The following TSPAN1 variants were observed in gnomAD, a reference collection of about 807,000 sequenced individuals.
TSPAN1 encodes the protein tetraspanin 1, also known as tetraspanin-1.
In TSPAN1, 23 loss-of-function variants were observed where a neutral mutation model predicts 26.9. The observed-to-expected ratio is 0.85, with a 90% CI of 0.62 to 1.21. The LOEUF (loss-of-function observed/expected upper bound fraction) is 1.21. TSPAN1 is among the 50% of genes most tolerant of loss of function. The pLI, the probability that TSPAN1 is intolerant of heterozygous loss-of-function variation, is 0.00. For missense variants in TSPAN1, 283 were observed against 298.4 expected (o/e 0.95, Z 0.38); for synonymous variants, 115 against 114.8 (o/e 1.00, Z -0.01).
chr1:46,194,918 A>G, the TSPAN1 span: 2 of 1,614,096 alleles, frequency 1.2e-6, no homozygotes, highest in East Asian at 2.2e-5. Flanking sequence ...CAGGCTCCTC[A>G]GCAGAGCCTT....
At chr1:46,194,971 C>A in the TSPAN1 span, 1 of 1,613,444 alleles carries the variant, frequency 6.2e-7, no homozygotes, top group Admixed American at 1.7e-5. Context: ...CCTGGGGGAC[C>A]AGAGAAGGCA....
chr1:46,176,407 G>C, intron 1 of TSPAN1: 1 of 1,535,760 alleles, frequency 6.5e-7, no homozygotes, highest in Non-Finnish European at 8.7e-7. Flanking sequence ...GCCCATACCT[G>C]GCCTGCGGTA....
rs762359326 is a variant in TSPAN1, at chr1:46,184,299, G to A, written c.166G>A (p.Val56Met). 91 of 1,614,064 alleles carry A rather than the reference G, an allele frequency of 5.6e-5. No individual in the cohort carries two copies. The highest frequency in any genetic ancestry group is 6.8e-5 in the Non-Finnish European group (80 of 1,180,046). The change falls in exon 4 of 9, where the codon GTG (valine) becomes ATG (methionine). Residue 56 changes from valine (V) to methionine (M), a missense_variant. Physicochemically the swap from Val to Met is conservative, Grantham distance 21. Transcript: ENST00000372003. ...LSSSAMQFVN[V>M]GYFLIAAGVV... is the part of the protein sequence containing the mutation. ...GTCCAGTGCCATGCAGTTTGTCAAC[G>A]TGGGCTACTTCCTCATCGCAGCCGG...
the TSPAN1 span, chr1:46,191,634 T>G: frequency 3.9e-6 from 1 of 257,548 alleles, no homozygotes; most frequent in Non-Finnish European, 7.6e-6. Context: ...GGTAGTAGTA[T>G]TTTATCCTCT....
Position 46,185,585 on chromosome 1 carries a change from C to T in TSPAN1, c.*52C>T. 1.3e-6 allele frequency: 2 copies of T among 1,593,718 alleles called. No individual in the cohort carries two copies. The highest frequency in any genetic ancestry group is 1.7e-6 in the Non-Finnish European group (2 of 1,162,556). ...CTGCCACATGGGAACTGTGAAGAGG[C>T]ACCCTGGCAAGCAGCAGTGATTGGG... On this transcript the variant is annotated 3_prime_UTR_variant, in exon 9 of 9. Coordinates refer to ENST00000372003, the MANE Select transcript of TSPAN1 (RefSeq NM_005727.4).
At chr1:46,181,009 C>T in intron 2 of TSPAN1, 91 bp from the exon 3 acceptor site, 1 of 1,083,686 alleles carries the variant, frequency 9.2e-7, no homozygotes, top group Non-Finnish European at 1.4e-6. Flanking sequence ...ATCCTGGGGT[C>T]TGGCATATCT....
At chr1:46,191,981 G>A in the TSPAN1 span, 1 of 1,439,120 alleles carries the variant, frequency 6.9e-7, no homozygotes, top group African/African-American at 1.4e-5. Context: ...AAATAGGATA[G>A]CTCTTTCCCC....
At chr1:46,181,213 C>T (rs748432594) in intron 3 of TSPAN1, 49 bp downstream of exon 3, 1 of 1,567,800 alleles carries the variant, frequency 6.4e-7, no homozygotes. Context: ...AGGAGCAGGT[C>T]ACAAGCTGAG....
chr1:46,181,405 C>G (rs572327511), intron 3 of TSPAN1, among the ~76,000 whole-genome samples: 1 of 152,332 alleles, frequency 6.6e-6, no homozygotes, highest in South Asian at 2.1e-4. Context: ...CACCCCCTCT[C>G]TCCTACAAAG....
At chr1:46,188,342 C>T (rs969313281), downstream of TSPAN1, among the ~76,000 whole-genome samples, 2 of 152,190 alleles carry the variant, frequency 1.3e-5, no homozygotes, top group Non-Finnish European at 2.9e-5. Context: ...TCCAACTCCC[C>T]AGTATCCCTT....
At chr1:46,196,182 CTA>C in the TSPAN1 span, 3 of 1,578,018 alleles carry the variant, frequency 1.9e-6, no homozygotes, top group Non-Finnish European at 2.6e-6. This position sits in a 1 kb window ranked among gnomAD's most constrained non-coding sequence, Gnocchi z 4.4. Flanking sequence ...CACCTCCTGC[CTA>C]TGTTTCTGTT....
At chr1:46,184,492 T>C in intron 4 of TSPAN1, 95 bp downstream of exon 4, 5 of 1,603,642 alleles carry the variant, frequency 3.1e-6, no homozygotes, top group Non-Finnish European at 2.6e-6. Flanking sequence ...TGGACCCCCC[T>C]AGGCTCAGGC....
Position 46,185,795 on chromosome 1 carries a change from G to C in TSPAN1, c.*262G>C. 1 of 569,994 alleles carries C rather than the reference G, an allele frequency of 1.8e-6. No individual in the cohort carries two copies. The highest frequency in any genetic ancestry group is 3.0e-5 in the East Asian group (1 of 33,488). The allele number at this position is 569,994 out of a possible 1,614,324, so 35.3% of individuals were successfully genotyped here. On this transcript the variant is annotated 3_prime_UTR_variant, in exon 9 of 9. Transcript: ENST00000372003. ...GCCAGTTCTGTTGCCCATTCCCCCAGTCTATTAAACCCTTGATATGCCCCC... is the reference window on the plus strand; with the variant it reads ...GCCAGTTCTGTTGCCCATTCCCCCACTCTATTAAACCCTTGATATGCCCCC...
At chr1:46,175,851 G>C in intron 1 of TSPAN1, 1 of 445,442 alleles carries the variant, frequency 2.2e-6, no homozygotes, top group South Asian at 6.3e-5. Context: ...GAACCAGGTA[G>C]GGAAATCTTC....
At chr1:46,181,567 C>T (rs1198077489) in intron 3 of TSPAN1, among the ~76,000 whole-genome samples, 3 of 152,154 alleles carry the variant, frequency 2.0e-5, no homozygotes, top group Admixed American at 6.5e-5. Context: ...TTCTGTATGA[C>T]GGGGAGCTGA....
intron 1 of TSPAN1, among the ~76,000 whole-genome samples, chr1:46,179,140 T>C (rs993668480): frequency 5.3e-5 from 8 of 151,428 alleles, no homozygotes; most frequent in Non-Finnish European, 8.8e-5. Flanking sequence ...CTGGATAGCA[T>C]AGCAAGACCT....
In TSPAN1 at chr1:46,184,821, A is replaced by T; in HGVS notation, c.376A>T (p.Ile126Phe). Residue 126 changes from isoleucine to phenylalanine, a missense_variant, in exon 6 of 9, where the codon ATC becomes TTC. Physicochemically the swap from Ile to Phe is conservative, Grantham distance 21. Coordinates refer to ENST00000372003, the MANE Select transcript of TSPAN1 (RefSeq NM_005727.4). Reference sequence around the variant, plus strand: ...CCTGACGTTGCTGGTAGTGCCTGCCATCAAGAAAGATTATGGTTCCCAGGA... The same window carrying T: ...CCTGACGTTGCTGGTAGTGCCTGCCTTCAAGAAAGATTATGGTTCCCAGGA... ...HFLTLLVVPA[I>F]KKDYGSQEDF... 1 of 1,614,198 alleles carries T rather than the reference A, an allele frequency of 6.2e-7. No individual in the cohort carries two copies. Among genetic ancestry groups the T allele is most frequent in the Non-Finnish European group, 8.5e-7 (1 of 1,180,028 alleles).
chr1:46,184,714 T>C, intron 5 of TSPAN1, 46 bp downstream of exon 5: 2 of 1,613,820 alleles, frequency 1.2e-6, no homozygotes, highest in Non-Finnish European at 1.7e-6. Context: ...GGCAAAACCC[T>C]GGGAGTGGGC....
At chr1:46,179,508 T>C (rs1244004763) in intron 1 of TSPAN1, among the ~76,000 whole-genome samples, 1 of 152,082 alleles carries the variant, frequency 6.6e-6, no homozygotes, top group African/African-American at 2.4e-5. Context: ...AAACCAAGTC[T>C]AAGAAAAGTC....
Sources: allele counts gnomAD v4.1 joint callset (sites outside exome capture counted in the v4.1 genomes callset), GRCh38; gene constraint gnomAD v4.1.1; non-coding constraint Gnocchi (gnomAD v3.1); transcripts MANE v1.5; gene names NCBI Gene and HGNC (gene_info 2026-07-23, HGNC 2026-07-21).